The following DOCK7 variants were observed in gnomAD, a reference collection of about 807,000 sequenced individuals.
The protein encoded by DOCK7 is dedicator of cytokinesis 7.
In DOCK7, 138 loss-of-function variants were observed where a neutral mutation model predicts 271.0. The ratio of observed to expected loss-of-function variants is 0.51; its 90% CI spans 0.44 to 0.59. DOCK7 has a LOEUF of 0.59. Among genes scored for constraint, DOCK7 ranks in the 20% least tolerant of loss-of-function variants. DOCK7 has a pLI of 0.00. For missense variants in DOCK7, 2,066 were observed against 2,592.4 expected, an observed-to-expected ratio of 0.80 and a Z score of 4.41; for synonymous variants, 823 against 876.1, an observed-to-expected ratio of 0.94 and a Z score of 1.07.
At chr1:62,672,493 T>A (rs1660128519) in intron 1 of DOCK7, among the ~76,000 whole-genome samples, 1 of 152,096 alleles carries the variant, frequency 6.6e-6, no homozygotes, top group Admixed American at 6.5e-5. Context: ...AAGACCTCAT[T>A]CTTAACTACT....
chr1:62,569,298 C>T (rs903598922), intron 18 of DOCK7, among the ~76,000 whole-genome samples: 2 of 152,068 alleles, frequency 1.3e-5, no homozygotes, highest in Non-Finnish European at 2.9e-5. Context: ...AAGAAGGCTT[C>T]AGGCCAATAT....
At chr1:62,673,621 C>G (rs1344862641) in intron 1 of DOCK7, among the ~76,000 whole-genome samples, 1 of 152,210 alleles carries the variant, frequency 6.6e-6, no homozygotes, top group African/African-American at 2.4e-5. Context: ...TAAATTCCAC[C>G]CTACTTCATT....
intron 48 of DOCK7, among the ~76,000 whole-genome samples, chr1:62,470,735 A>G (rs950434437): frequency 5.3e-5 from 8 of 152,206 alleles, no homozygotes; most frequent in African/African-American, 1.7e-4. Context: ...CAGAGGGTGC[A>G]GTGAGCTGAG....
chr1:62,598,799 A>G, intron 14 of DOCK7: 1 of 1,578,230 alleles, frequency 6.3e-7, no homozygotes, highest in Non-Finnish European at 8.7e-7. Flanking sequence ...AAAGAAATAG[A>G]AAATCAGGTA....
rs778462233 is a variant in DOCK7 at position 62,578,814 on chromosome 1, C to G, written c.2010+14G>C. On this transcript the variant is annotated intron_variant, in intron 17 of 49. Transcript: ENST00000635253. The stretch of plus-strand genomic sequence containing the variant: ...TTAGCTCTTTGATCTAAATATTGAA[C>G]CAAAAGGACTCACTGTATATCCAAC... The G allele has an allele frequency of 4.7e-5, 73 of 1,545,992 alleles. No individual in the cohort carries two copies. The highest frequency in any genetic ancestry group is 6.3e-5 in the Non-Finnish European group (72 of 1,150,052).
Position 62,544,522 on chromosome 1 carries a change from A to T in DOCK7, c.2859+425T>A, listed in dbSNP as rs183580696. 9.2e-5 allele frequency among the ~76,000 whole-genome samples: 14 copies of T among 152,332 alleles called. No homozygotes were observed. In the East Asian group the frequency reaches 1.5e-3, roughly 17 times the overall value. ...CTTTCTATTCGGTGATTAGGAAGAA[A>T]ATAACAAGATAGTAAATGTTAAATG... On this transcript the variant is annotated intron_variant, in intron 23 of 49. Transcript: ENST00000635253.
intron 11 of DOCK7, 103 bp downstream of exon 11, chr1:62,631,137 A>G (rs1654578852): frequency 9.6e-7 from 1 of 1,038,732 alleles, no homozygotes. Flanking sequence ...GTGAGCCAAG[A>G]TCGTGCCACT....
intron 43 of DOCK7, chr1:62,481,882 C>A (rs938695922): frequency 6.6e-6 from 1 of 152,262 alleles, no homozygotes; most frequent in East Asian, 1.9e-4. Flanking sequence ...CTTCTTTTAT[C>A]CTCTCCCAGT....
chr1:62,565,067 C>T (rs1232230263), intron 18 of DOCK7, among the ~76,000 whole-genome samples: 4 of 151,848 alleles, frequency 2.6e-5, no homozygotes, highest in Non-Finnish European at 5.9e-5. Flanking sequence ...AATAGCCTAC[C>T]AACAAAAAAA....
intron 12 of DOCK7, among the ~76,000 whole-genome samples, chr1:62,624,297 T>C (rs1241330370): frequency 6.6e-6 from 1 of 152,226 alleles, no homozygotes; most frequent in East Asian, 1.9e-4. Flanking sequence ...TGCACTATTT[T>C]TTCTATTCTA....
In DOCK7 at chr1:62,457,685, T is replaced by C. The variant is rs1645386625; in HGVS notation, c.6233A>G (p.Lys2078Arg). ...ATCCGGCCCAATTAAGCTCTTATTT[T>C]TTCTTAAGGCATCTTCACACCTAGG... ...FTKRCEDALR[K>R]NKSLIGPDQK... The change falls in exon 49 of 50, where the codon AAA (lysine) becomes AGA (arginine). Residue 2078 changes from lysine to arginine, a missense_variant. Physicochemically the swap from Lys to Arg is conservative, Grantham distance 26 (BLOSUM62 2). Around this residue, in one of 2 missense-constraint regions of DOCK7, gnomAD observed 652 missense variants for 922.1 expected, o/e 0.71. Coordinates refer to ENST00000635253, the MANE Select transcript of DOCK7 (RefSeq NM_001367561.1). 3 of 1,613,280 alleles carry C rather than the reference T, an allele frequency of 1.9e-6. No individual in the cohort carries two copies. Among genetic ancestry groups the C allele is most frequent in the Non-Finnish European group, 2.5e-6 (3 of 1,179,868 alleles).
At chr1:62,514,357 C>T (rs1040892599) in intron 31 of DOCK7, among the ~76,000 whole-genome samples, 1 of 151,940 alleles carries the variant, frequency 6.6e-6, no homozygotes, top group Non-Finnish European at 1.5e-5. Flanking sequence ...TTTAATCAAG[C>T]ACCACTGATA....
chr1:62,601,987 T>C (rs2149536274), intron 14 of DOCK7: 3 of 662,570 alleles, frequency 4.5e-6, no homozygotes, highest in East Asian at 2.8e-5. Flanking sequence ...ATATATGAAA[T>C]ATATATGAGT....
Position 62,543,717 on chromosome 1 carries a change from G to C in DOCK7, c.2888C>G (p.Ser963Cys). 1 of 1,599,356 alleles carries C rather than the reference G, an allele frequency of 6.3e-7. No homozygotes were observed. The highest frequency in any genetic ancestry group is 1.1e-5 in the South Asian group (1 of 89,104). ...GAAACTTGACGTCTCTGTGTGCGAAGACATACGATTACAACTTCGATCCAT... is the reference window on the plus strand; with the variant it reads ...GAAACTTGACGTCTCTGTGTGCGAACACATACGATTACAACTTCGATCCAT... ...QAMDRSCNRMSSHTETSSFLQ... is the reference protein window; with the variant it reads ...QAMDRSCNRMCSHTETSSFLQ... The change falls in exon 24 of 50, where the codon TCT becomes TGT. Residue 963 changes from serine to cysteine, a missense_variant. This residue lies in a region of DOCK7 where 1,414 missense variants were observed against 1,670.4 expected (regional missense o/e 0.85). Transcript: ENST00000635253.
intron 14 of DOCK7, chr1:62,601,930 A>C (rs763356461): frequency 8.6e-7 from 1 of 1,167,644 alleles, no homozygotes; most frequent in East Asian, 2.4e-5. Flanking sequence ...CAACTTACTC[A>C]TTACGTATTA....
In DOCK7 at chr1:62,475,947, G is replaced by A. The variant is rs1187069495; in HGVS notation, c.5725-4C>T. 8 of 1,611,072 alleles carry A rather than the reference G, an allele frequency of 5.0e-6. No homozygotes were observed. Among genetic ancestry groups the A allele is most frequent in the Non-Finnish European group, 6.8e-6 (8 of 1,178,712 alleles). On this transcript the variant is annotated splice_region_variant and splice_polypyrimidine_tract_variant and intron_variant, in intron 45 of 49. Coordinates refer to ENST00000635253, the MANE Select transcript of DOCK7 (RefSeq NM_001367561.1). ...CATAGGTAATCTGAATATATGCCTAGGAAAGAAAAAAGTCCTTCATTTCCT... is the reference window on the plus strand; with the variant it reads ...CATAGGTAATCTGAATATATGCCTAAGAAAGAAAAAAGTCCTTCATTTCCT...
rs112699430 is a variant in DOCK7, at chr1:62,494,309, C to T, written c.5183G>A (p.Arg1728Gln). 66 of 1,602,960 alleles carry T rather than the reference C, an allele frequency of 4.1e-5. No individual in the cohort carries two copies. Among genetic ancestry groups the T allele is most frequent in the African/African-American group, 1.2e-4 (9 of 74,848 alleles). Residue 1728 changes from arginine (R) to glutamine (Q), a missense_variant, in exon 40 of 50, where the codon CGG becomes CAG. By Grantham distance (43) the Arg-to-Gln change is conservative (BLOSUM62 1). This residue lies in a region of DOCK7 where 652 missense variants were observed against 922.1 expected (regional missense o/e 0.71). Coordinates refer to ENST00000635253, the MANE Select transcript of DOCK7 (RefSeq NM_001367561.1). ...TACACATCCCACAGGAAGATATTTC[C>T]GGTCCTCCAGCATGCTCAAATATTC... ...VAEYLSMLED[R>Q]KYLPVGCVTF...
intron 7 of DOCK7, chr1:62,638,301 T>C (rs954292463): frequency 6.6e-6 from 1 of 152,150 alleles, no homozygotes; most frequent in African/African-American, 2.4e-5. Flanking sequence ...AAGTTGTCCA[T>C]TTTAATGAAG....
At chr1:62,470,131 C>G (rs938348472) in intron 48 of DOCK7, among the ~76,000 whole-genome samples, 4 of 152,156 alleles carry the variant, frequency 2.6e-5, no homozygotes, top group African/African-American at 9.7e-5. Flanking sequence ...ATATTTATAG[C>G]AGCACAATTT....
Sources: allele counts gnomAD v4.1 joint callset (sites outside exome capture counted in the v4.1 genomes callset), GRCh38; gene constraint gnomAD v4.1.1; regional missense constraint gnomAD v4.1.1; transcripts MANE v1.5; gene names NCBI Gene and HGNC (gene_info 2026-07-23, HGNC 2026-07-21).